Variants in DENND5A observed in about 807,000 individuals in gnomAD.
DENND5A encodes the protein DENN domain containing 5A.
Under a neutral mutation model 140.3 loss-of-function variants are expected in DENND5A, and 64 were observed. The ratio of observed to expected loss-of-function variants is 0.46; its 90% confidence interval spans 0.37 to 0.56. The LOEUF (loss-of-function observed/expected upper bound fraction) is 0.56, where lower values mean the gene tolerates loss of function less well. DENND5A is among the 20% of genes least tolerant of loss of function. The pLI is 0.00. For missense variants in DENND5A, 1,292 were observed against 1,593.8 expected, an observed-to-expected ratio of 0.81 and a Z score of 3.22; for synonymous variants, 605 against 607.7, an observed-to-expected ratio of 1.00 and a Z score of 0.07.
intron 4 of DENND5A, among the ~76,000 whole-genome samples, chr11:9,201,607 C>T (rs989000734): frequency 6.6e-6 from 1 of 152,050 alleles, no homozygotes; most frequent in Admixed American, 6.6e-5. Context: ...GAGGACGAGG[C>T]TGCAGTGAGC....
chr11:9,161,044 C>T (rs910066618), intron 11 of DENND5A, among the ~76,000 whole-genome samples, 179 bp from the exon 12 acceptor site: 2 of 152,136 alleles, frequency 1.3e-5, no homozygotes, highest in Admixed American at 6.5e-5. Context: ...GGAGTGCATG[C>T]TTTAAAAATT....
intron 1 of DENND5A, among the ~76,000 whole-genome samples, chr11:9,208,396 C>T (rs1849762650): frequency 6.6e-6 from 1 of 152,116 alleles, no homozygotes; most frequent in Non-Finnish European, 1.5e-5. Flanking sequence ...TGGTCTGGAA[C>T]CTAAAGGGAC....
chr11:9,143,610 G>T, intron 19 of DENND5A, 125 bp from the exon 20 acceptor site: 1 of 773,452 alleles, frequency 1.3e-6, no homozygotes. Flanking sequence ...ACCCTAGGAA[G>T]CAGAGGCGCT....
chr11:9,226,723 G>C (rs767805746), intron 1 of DENND5A, among the ~76,000 whole-genome samples: 3 of 152,092 alleles, frequency 2.0e-5, no homozygotes, highest in Non-Finnish European at 4.4e-5. Flanking sequence ...AGCTAAACAA[G>C]AGTTGTGAAA....
chr11:9,196,451 C>T (rs1317587525), intron 4 of DENND5A, among the ~76,000 whole-genome samples: 2 of 152,082 alleles, frequency 1.3e-5, no homozygotes, highest in African/African-American at 2.4e-5. Context: ...ATATACACGG[C>T]TATATCTACA....
At chr11:9,211,503 T>C in intron 1 of DENND5A, among the ~76,000 whole-genome samples, 1 of 152,104 alleles carries the variant, frequency 6.6e-6, no homozygotes, top group Non-Finnish European at 1.5e-5. Flanking sequence ...CCAGAACTGC[T>C]CAGCATATAA....
chr11:9,150,557 G>T, intron 14 of DENND5A, 123 bp downstream of exon 14: 1 of 679,018 alleles, frequency 1.5e-6, no homozygotes, highest in Middle Eastern at 2.5e-4. Context: ...TTGTGATTAG[G>T]AGGGCTTCCA....
chr11:9,213,449 T>C (rs1849957849), intron 1 of DENND5A, among the ~76,000 whole-genome samples: 1 of 151,980 alleles, frequency 6.6e-6, no homozygotes. Flanking sequence ...TTTTTTTTAA[T>C]GGTTCTAACA....
At chr11:9,222,326 CTAT>C (rs1196484880) in intron 1 of DENND5A, among the ~76,000 whole-genome samples, 1 of 152,028 alleles carries the variant, frequency 6.6e-6, no homozygotes, top group Non-Finnish European at 1.5e-5. Context: ...AACCTCAATA[CTAT>C]TATTATACCT....
At chr11:9,210,266 T>C (rs1849831157) in intron 1 of DENND5A, among the ~76,000 whole-genome samples, 1 of 152,216 alleles carries the variant, frequency 6.6e-6, no homozygotes, top group African/African-American at 2.4e-5. Context: ...CCAACATGAC[T>C]GTCCTATTGT....
At chr11:9,248,247 T>C (rs1285627668) in intron 1 of DENND5A, among the ~76,000 whole-genome samples, 2 of 152,172 alleles carry the variant, frequency 1.3e-5, no homozygotes, top group African/African-American at 4.8e-5. Context: ...TCTCCCAAAA[T>C]GCTGGGATTT....
chr11:9,147,015 C>G lies in DENND5A; in HGVS notation c.2857+15G>C. On this transcript the variant is annotated intron_variant, in intron 16 of 22. Transcript: ENST00000328194. Reference sequence around the variant, plus strand: ...CTGCCTTGAGAAGGCCAGCTGGGAGCACAGGGCTACTCACGGATAGTTGTG... The same window carrying G: ...CTGCCTTGAGAAGGCCAGCTGGGAGGACAGGGCTACTCACGGATAGTTGTG... 6.2e-7 allele frequency: 1 copy of G among 1,613,988 alleles called. No individual in the cohort carries two copies. Among genetic ancestry groups the G allele is most frequent in the East Asian group, 2.2e-5 (1 of 44,880 alleles).
In DENND5A at chr11:9,203,777, CATTGG is replaced by C; in HGVS notation, c.827_831del (p.Thr276ArgfsTer6). The C allele has an allele frequency of 6.2e-7, 1 of 1,614,152 alleles. No individual in the cohort carries two copies. Among genetic ancestry groups the C allele is most frequent in the Non-Finnish European group, 8.5e-7 (1 of 1,180,022 alleles). ...ACAGGAAAGTCAAATAGGGGAAGCT[CATTGG>C]TACTTGGTCTCTGGCAGATTATTGG... On this transcript the variant is annotated frameshift_variant, in exon 4 of 23. Coordinates refer to ENST00000328194, the MANE Select transcript of DENND5A (RefSeq NM_015213.4). LOFTEE classifies it high-confidence loss of function.
At chr11:9,230,477 G>T (rs943755087) in intron 1 of DENND5A, among the ~76,000 whole-genome samples, 1 of 151,888 alleles carries the variant, frequency 6.6e-6, no homozygotes, top group Non-Finnish European at 1.5e-5. Flanking sequence ...CTGGGCTTAA[G>T]CAATCCTCCC....
intron 1 of DENND5A, among the ~76,000 whole-genome samples, chr11:9,236,003 GGACAA>G (rs764786810): frequency 8.5e-5 from 13 of 152,126 alleles, no homozygotes; most frequent in South Asian, 8.3e-4. Context: ...CACTTTGGGA[GGACAA>G]GACAAGAGGA....
At chr11:9,216,326 A>T (rs1491003227) in intron 1 of DENND5A, among the ~76,000 whole-genome samples, 1 of 152,214 alleles carries the variant, frequency 6.6e-6, no homozygotes, top group Non-Finnish European at 1.5e-5. Context: ...TTTCAGTGAA[A>T]GACTGAGGGC....
In DENND5A at chr11:9,141,931, C is replaced by A; in HGVS notation, c.3680+9G>T. On this transcript the variant is annotated intron_variant, in intron 22 of 22. Transcript: ENST00000328194. ...CCGCTGTGCACTCTGGGCCCTGGGT[C>A]TGCAGTACCTGGCTCCCAAGCACAC... The A allele has an allele frequency of 6.4e-7, 1 of 1,572,608 alleles. No homozygotes were observed. Among genetic ancestry groups the A allele is most frequent in the Non-Finnish European group, 8.6e-7 (1 of 1,157,496 alleles).
chr11:9,187,669 C>T (rs574539921), intron 5 of DENND5A, among the ~76,000 whole-genome samples: 16 of 152,146 alleles, frequency 1.1e-4, no homozygotes, highest in Admixed American at 2.0e-4. Context: ...AAAATGGTAC[C>T]CCTTTCTTTA....
In DENND5A at chr11:9,243,110, AAAAAAAC is replaced by A. The variant is rs1564936232; in HGVS notation, c.109+21844_109+21850del. On this transcript the variant is annotated intron_variant, in intron 1 of 22. Coordinates refer to ENST00000328194, the MANE Select transcript of DENND5A (RefSeq NM_015213.4). ...CTCAAAAAAAAAAAAAAAAACAAAA[AAAAAAAC>A]TGAGGCGAGTAAGGCTAATTGGAAT... 3.4e-5 allele frequency among the ~76,000 whole-genome samples: 5 copies of A among 148,164 alleles called. 1 individual carries two copies. Among genetic ancestry groups the A allele is most frequent in the Middle Eastern group, 6.8e-3 (2 of 292 alleles).
Sources: gnomAD v4.1 joint callset for allele counts (sites outside exome capture counted in the v4.1 genomes callset) on GRCh38, gnomAD v4.1.1 for gene constraint, MANE v1.5 for transcripts, NCBI Gene and HGNC (gene_info 2026-07-23, HGNC 2026-07-21) for gene names.